CALCR: variants seen among roughly 807,000 people sequenced by gnomAD.
CALCR encodes calcitonin receptor.
In CALCR, 47 loss-of-function variants were observed where a neutral mutation model predicts 59.5. The ratio of observed to expected loss-of-function variants is 0.79; its 90% CI spans 0.63 to 1.01. CALCR has a LOEUF of 1.01. Ranked by LOEUF, CALCR falls within the 50% of genes least tolerant of loss-of-function variation. The pLI, the probability that CALCR is intolerant of heterozygous loss-of-function variation, is 0.00. For missense variants in CALCR, 566 were observed against 597.1 expected, an observed-to-expected ratio of 0.95 and a Z score of 0.54; for synonymous variants, 213 against 211.3, an observed-to-expected ratio of 1.01 and a Z score of -0.07.
At position 93,468,702 on chromosome 7, in the gene CALCR, T is replaced by G; in HGVS notation, c.521+13A>C. ...AGGAGGAAATAAAGAGCAGATGCTG[T>G]GAGTGTACTTACCTGAAAAACACGA... On this transcript the variant is annotated intron_variant, in intron 7 of 13. Coordinates refer to ENST00000426151, the MANE Select transcript of CALCR (RefSeq NM_001742.4). 1.3e-6 allele frequency: 2 copies of G among 1,556,180 alleles called. No homozygotes were observed. The highest frequency in any genetic ancestry group is 1.8e-6 in the Non-Finnish European group (2 of 1,129,264).
chr7:93,470,732 AT>A (rs896584865), intron 6 of CALCR, among the ~76,000 whole-genome samples: 2 of 150,186 alleles, frequency 1.3e-5, no homozygotes, highest in African/African-American at 2.4e-5. Context: ...AAAGCATTTT[AT>A]TTTTTTATTT....
In CALCR at chr7:93,467,324, G is replaced by A. The variant is rs186105846; in HGVS notation, c.521+1391C>T. Reference sequence around the variant, plus strand: ...AAACCATTTATGGAAGGAGCTCATTGTCTGTTTGCTTATGTTATCATTTGC... The same window carrying A: ...AAACCATTTATGGAAGGAGCTCATTATCTGTTTGCTTATGTTATCATTTGC... On this transcript the variant is annotated intron_variant, in intron 7 of 13. Transcript: ENST00000426151. Among the ~76,000 whole-genome samples, 78 of 151,630 alleles carry A rather than the reference G, an allele frequency of 5.1e-4. 1 individual carries two copies. The highest frequency in any genetic ancestry group is 1.8e-3 in the African/African-American group (76 of 41,460).
intron 2 of CALCR, among the ~76,000 whole-genome samples, chr7:93,533,718 A>G (rs2116145146): frequency 6.6e-6 from 1 of 152,052 alleles, no homozygotes; most frequent in Non-Finnish European, 1.5e-5. Context: ...TGGGGTTCTT[A>G]GCTCATGAAA....
intron 2 of CALCR, among the ~76,000 whole-genome samples, chr7:93,552,050 A>C (rs1000163125): frequency 6.6e-5 from 10 of 152,160 alleles, no homozygotes; most frequent in African/African-American, 2.4e-4. Flanking sequence ...TCGTGGCTAC[A>C]AAGATACACA....
intron 2 of CALCR, among the ~76,000 whole-genome samples, chr7:93,493,688 C>T (rs879425570): frequency 3.3e-5 from 5 of 151,244 alleles, no homozygotes; most frequent in Non-Finnish European, 5.9e-5. Flanking sequence ...AATACAGGAC[C>T]CCCTTAAAGT....
chr7:93,434,277 G>A lies in CALCR; in HGVS notation c.1167C>T (p.Thr389=). Residue 389 remains threonine (T), a synonymous_variant, in exon 13 of 14, where the codon ACC becomes ACT. Coordinates refer to ENST00000426151, the MANE Select transcript of CALCR (RefSeq NM_001742.4). ...LIHFQGFFVA[T]IYCFCNNEVQ... is the part of the protein sequence containing the mutation. ...CCTCATTGTTGCAGAAGCAGTAGAT[G>A]GTCGCAACAAAGAAGCCCTAAAAAG... 1 of 1,610,540 alleles carries A rather than the reference G, an allele frequency of 6.2e-7. No individual in the cohort carries two copies. The highest frequency in any genetic ancestry group is 2.2e-5 in the East Asian group (1 of 44,796).
intron 9 of CALCR, among the ~76,000 whole-genome samples, chr7:93,440,566 T>C (rs927023202): frequency 3.3e-5 from 5 of 152,060 alleles, no homozygotes; most frequent in African/African-American, 1.2e-4. Context: ...TGTGTGTGCA[T>C]GTAGAAAGAT....
chr7:93,469,491 T>C (rs950995368), intron 6 of CALCR, among the ~76,000 whole-genome samples: 1 of 151,644 alleles, frequency 6.6e-6, no homozygotes, highest in Admixed American at 6.6e-5. Flanking sequence ...ACAGAGAAAA[T>C]AGAGATTGAT....
Position 93,426,528 on chromosome 7 carries a change from C to T in CALCR, c.1253G>A (p.Gly418Glu), listed in dbSNP as rs775626313. 3 of 1,613,514 alleles carry T rather than the reference C, an allele frequency of 1.9e-6. No homozygotes were observed. Among genetic ancestry groups the T allele is most frequent in the East Asian group, 2.2e-5 (1 of 44,840 alleles). ...QFKIQWNQRW[G>E]RRPSNRSARA... Reference sequence around the variant, plus strand: ...AGCAGAGCGGTTGGAGGGGCGCCTCCCCCAACGCTGGTTCCACTGAATTTT... The same window carrying T: ...AGCAGAGCGGTTGGAGGGGCGCCTCTCCCAACGCTGGTTCCACTGAATTTT... Residue 418 changes from glycine to glutamate, a missense_variant, in exon 14 of 14, where the codon GGG becomes GAG. Transcript: ENST00000426151.
chr7:93,453,918 G>A (rs772465813), intron 8 of CALCR, among the ~76,000 whole-genome samples: 15 of 152,052 alleles, frequency 9.9e-5, no homozygotes, highest in Non-Finnish European at 1.9e-4. Context: ...TGACATATAA[G>A]TAAACTGAAG....
intron 2 of CALCR, among the ~76,000 whole-genome samples, chr7:93,512,844 C>A (rs762840875): frequency 6.6e-6 from 1 of 152,068 alleles, no homozygotes; most frequent in African/African-American, 2.4e-5. Context: ...CTAAATAGCA[C>A]TCATAAAATT....
chr7:93,572,060 A>T (rs1331662995), intron 2 of CALCR, among the ~76,000 whole-genome samples: 1 of 152,126 alleles, frequency 6.6e-6, no homozygotes, highest in Non-Finnish European at 1.5e-5. Context: ...CATTTTCTGG[A>T]TGGGCAGATC....
chr7:93,553,281 C>A (rs1789512525), intron 2 of CALCR, among the ~76,000 whole-genome samples: 1 of 151,994 alleles, frequency 6.6e-6, no homozygotes, highest in Non-Finnish European at 1.5e-5. Context: ...GATTTTGGTT[C>A]AATATGTCAA....
At chr7:93,454,913 A>AT (rs200413096) in intron 8 of CALCR, among the ~76,000 whole-genome samples, 5,067 of 118,070 alleles carry the variant, frequency 0.043, 281 homozygotes, top group African/African-American at 0.17. Context: ...AGGACAGGGC[A>AT]TTTTGTGTGT....
At chr7:93,468,516 T>G (rs988614005) in intron 7 of CALCR, among the ~76,000 whole-genome samples, 199 bp downstream of exon 7, 1 of 151,754 alleles carries the variant, frequency 6.6e-6, no homozygotes, top group Admixed American at 6.6e-5. Flanking sequence ...TGATATAAAT[T>G]TATCCTGTTC....
chr7:93,426,531 C>G lies in CALCR; in HGVS notation c.1250G>C (p.Trp417Ser). The change falls in exon 14 of 14, where the codon TGG becomes TCG. Residue 417 changes from tryptophan to serine, a missense_variant. Trp to Ser is a radical substitution (Grantham distance 177). Transcript: ENST00000426151. ...AGAGCGGTTGGAGGGGCGCCTCCCC[C>G]AACGCTGGTTCCACTGAATTTTGAA... ...AQFKIQWNQR[W>S]GRRPSNRSAR... 5 of 1,613,748 alleles carry G rather than the reference C, an allele frequency of 3.1e-6. No individual in the cohort carries two copies. Among genetic ancestry groups the G allele is most frequent in the Non-Finnish European group, 4.2e-6 (5 of 1,179,730 alleles).
intron 2 of CALCR, among the ~76,000 whole-genome samples, chr7:93,531,903 T>C (rs573381215): frequency 6.6e-6 from 1 of 152,200 alleles, no homozygotes; most frequent in Non-Finnish European, 1.5e-5. Context: ...TTAAAATTCA[T>C]TGATCTGAAA....
At chr7:93,567,989 C>T (rs1789904794) in intron 2 of CALCR, among the ~76,000 whole-genome samples, 1 of 152,096 alleles carries the variant, frequency 6.6e-6, no homozygotes, top group South Asian at 2.1e-4. Context: ...ACTCATTTTT[C>T]TCCCCATACA....
chr7:93,460,210 G>T (rs527644856), intron 8 of CALCR, among the ~76,000 whole-genome samples: 1 of 152,066 alleles, frequency 6.6e-6, no homozygotes, highest in African/African-American at 2.4e-5. Flanking sequence ...TTCACAAGAG[G>T]TGCTCAATAC....
Sources: allele counts gnomAD v4.1 joint callset (sites outside exome capture counted in the v4.1 genomes callset), GRCh38; gene constraint gnomAD v4.1.1; transcripts MANE v1.5; gene names NCBI Gene and HGNC (gene_info 2026-07-23, HGNC 2026-07-21).